PHACTR2: variants seen among roughly 807,000 people sequenced by gnomAD.
The protein encoded by PHACTR2 is phosphatase and actin regulator 2, also known as chromosome 6 open reading frame 56.
A neutral mutation model predicts 76.0 loss-of-function variants in PHACTR2; 30 were observed. The observed-to-expected ratio is 0.39, with a 90% CI of 0.30 to 0.54. PHACTR2 has a LOEUF of 0.54. Among genes scored for constraint, PHACTR2 ranks in the 20% least tolerant of loss-of-function variants. The pLI is 0.61. For missense variants in PHACTR2, 696 were observed against 781.1 expected (o/e 0.89, Z 1.30); for synonymous variants, 292 against 292.5 (o/e 1.00, Z 0.02).
intron 1 of PHACTR2, among the ~76,000 whole-genome samples, chr6:143,593,201 A>G (rs1489609792): frequency 6.6e-6 from 1 of 152,144 alleles, no homozygotes; most frequent in Non-Finnish European, 1.5e-5. Flanking sequence ...GGGAATTCAA[A>G]GCAAATTATG....
Position 143,748,990 on chromosome 6 carries a change from GA to G in PHACTR2, c.223del (p.Arg75GlyfsTer12). 6.6e-7 allele frequency: 1 copy of G among 1,523,596 alleles called. No individual in the cohort carries two copies. Among genetic ancestry groups the G allele is most frequent in the Non-Finnish European group, 9.1e-7 (1 of 1,099,812 alleles). The allele number at this position is 1,523,596 out of a possible 1,614,324, so 94.4% of individuals were successfully genotyped here. On this transcript the variant is annotated frameshift_variant, in exon 3 of 13. Transcript: ENST00000440869. LOFTEE classifies it high-confidence loss of function. ...GTGCTTGTTCTTTTTAAAAGTATTAGAAAGGAAGATATCCACACGACAAAGT... is the reference window on the plus strand; with the variant it reads ...GTGCTTGTTCTTTTTAAAAGTATTAGAAGGAAGATATCCACACGACAAAGT... ...DKFRETSAVLERKISTRQSRE... is the reference protein window; with the variant it reads ...DKFRETSAVLXRKISTRQSRE...
intron 10 of PHACTR2, among the ~76,000 whole-genome samples, chr6:143,785,524 G>T (rs1178833204): frequency 6.6e-6 from 1 of 152,174 alleles, no homozygotes; most frequent in Non-Finnish European, 1.5e-5. Context: ...CTGGGTTCTG[G>T]AGGACAGTGA....
chr6:143,774,029 T>A lies in PHACTR2; in HGVS notation c.1433-30T>A, dbSNP rs1159454299. ...GTGCCACTGGCTAAAAGCCTCTCTC[T>A]CTGCATTTCTGCTCTTTTTCAATCC... On this transcript the variant is annotated intron_variant, in intron 7 of 12. Coordinates refer to ENST00000440869, the MANE Select transcript of PHACTR2 (RefSeq NM_001100164.2). This position sits in a 1 kb window ranked among gnomAD's most constrained non-coding sequence, Gnocchi z 5.4. The A allele has an allele frequency of 1.2e-6, 2 of 1,605,358 alleles. No individual in the cohort carries two copies. The highest frequency in any genetic ancestry group is 3.4e-5 in the Admixed American group (2 of 59,332).
Position 143,684,507 on chromosome 6 carries a change from C to T in PHACTR2, c.46+6298C>T, listed in dbSNP as rs1582768767. Among the ~76,000 whole-genome samples the T allele has an allele frequency of 1.3e-5, 2 of 152,198 alleles. No individual in the cohort carries two copies. Among genetic ancestry groups the T allele is most frequent in the South Asian group, 2.1e-4 (1 of 4,828 alleles). ...CATGGACAACTATAAACTACATGTC[C>T]TAATGACATATTAGCAGTAGAGTTG... is the stretch of plus-strand genomic sequence containing the variant. On this transcript the variant is annotated intron_variant, in intron 1 of 12. Coordinates refer to ENST00000440869, the MANE Select transcript of PHACTR2 (RefSeq NM_001100164.2). This position sits in a 1 kb window ranked among gnomAD's most constrained non-coding sequence, Gnocchi z 4.3.
At chr6:143,703,156 T>TAAAAAAAAAAAA (rs57738495) in intron 1 of PHACTR2, among the ~76,000 whole-genome samples, 2 of 91,146 alleles carry the variant, frequency 2.2e-5, no homozygotes, top group Non-Finnish European at 2.1e-5. Flanking sequence ...AAAAAATTAC[T>TAAAAAAAAAAAA]AAAAAAAAAA....
rs979384254 is a variant in PHACTR2 at position 143,798,904 on chromosome 6, A to G, written c.1846-8153A>G. 1.7e-4 allele frequency among the ~76,000 whole-genome samples: 26 copies of G among 152,200 alleles called. 1 individual carries two copies. Among genetic ancestry groups the G allele is most frequent in the African/African-American group, 6.0e-4 (25 of 41,452 alleles). ...ATCAGGATGATGCTGGCCTCATAAA[A>G]TGAGTTAGGGAGGATTCCCTCTTTT... On this transcript the variant is annotated intron_variant, in intron 11 of 12. Transcript: ENST00000440869.
Position 143,762,436 on chromosome 6 carries a change from G to A in PHACTR2, c.694+1796G>A, listed in dbSNP as rs76428221. ...GAATAGTACAGTCATTTTATTCATT[G>A]TATTGTAAAAGGCCTGACTTTTCCA... On this transcript the variant is annotated intron_variant, in intron 5 of 12. Transcript: ENST00000440869. Among the ~76,000 whole-genome samples, 15 of 152,248 alleles carry A rather than the reference G, an allele frequency of 9.9e-5. No homozygotes were observed. In the East Asian group the frequency reaches 2.9e-3, roughly 29 times the overall value.
In PHACTR2 at chr6:143,633,917, C is replaced by T. The variant is rs533200928; in HGVS notation, c.13+25595C>T. Among the ~76,000 whole-genome samples, 5 of 152,240 alleles carry T rather than the reference C, an allele frequency of 3.3e-5. No homozygotes were observed. The highest frequency in any genetic ancestry group is 2.1e-4 in the South Asian group (1 of 4,820). Reference sequence around the variant, plus strand: ...TATAGATTTAAGATGAAAGTAAAAACGGTCCTCGTTTAGAAGCCAATATTT... The same window carrying T: ...TATAGATTTAAGATGAAAGTAAAAATGGTCCTCGTTTAGAAGCCAATATTT... On this transcript the variant is annotated intron_variant, in intron 1 of 11. Transcript: ENST00000305766. The surrounding 1 kb of genome is among the most constrained non-coding windows in gnomAD (Gnocchi z 4.1).
intron 2 of PHACTR2, among the ~76,000 whole-genome samples, chr6:143,732,513 T>C (rs1394142747): frequency 6.6e-6 from 1 of 152,246 alleles, no homozygotes; most frequent in Non-Finnish European, 1.5e-5. Flanking sequence ...ACATTTTATT[T>C]ATTCATCAGT....
intron 1 of PHACTR2, among the ~76,000 whole-genome samples, chr6:143,651,355 A>C (rs890832908): frequency 2.4e-4 from 37 of 152,202 alleles, no homozygotes; most frequent in Admixed American, 2.4e-3. Context: ...TACCCAAAGA[A>C]ATGTAAACCA....
intron 1 of PHACTR2, among the ~76,000 whole-genome samples, chr6:143,634,207 A>G (rs1385172340): frequency 6.6e-6 from 1 of 152,194 alleles, no homozygotes; most frequent in East Asian, 1.9e-4. Flanking sequence ...ATAAAAATAT[A>G]ATTATGGAAT....
intron 1 of PHACTR2, among the ~76,000 whole-genome samples, chr6:143,657,321 C>T (rs1280092692): frequency 6.6e-6 from 1 of 152,070 alleles, no homozygotes; most frequent in Admixed American, 6.6e-5. Context: ...CCATGCACTC[C>T]ACACCCCTAT....
rs777165630 is a variant in PHACTR2, at chr6:143,556,522, A to G, written c.217+19315A>G. Among the ~76,000 whole-genome samples the G allele has an allele frequency of 2.0e-5, 3 of 152,276 alleles. No homozygotes were observed. The highest frequency in any genetic ancestry group is 4.4e-5 in the Non-Finnish European group (3 of 68,048). The stretch of plus-strand genomic sequence containing the variant: ...CCGTATGTCAAACTAGAGAGAGGAA[A>G]GTGAAAAAGATGAGAAAAAATATTT... On this transcript the variant is annotated intron_variant, in intron 1 of 11. Transcript: ENST00000367584. The surrounding 1 kb of genome is among the most constrained non-coding windows in gnomAD (Gnocchi z 4.3).
chr6:143,744,729 G>C (rs190558401), intron 2 of PHACTR2, among the ~76,000 whole-genome samples: 1 of 152,204 alleles, frequency 6.6e-6, no homozygotes, highest in African/African-American at 2.4e-5. Flanking sequence ...AAGGGGCTGC[G>C]GTGAGTTCAG....
rs574301096 is a variant in PHACTR2 at position 143,816,902 on chromosome 6, C to A, written c.1923-6772C>A. Among the ~76,000 whole-genome samples, 12 of 152,102 alleles carry A rather than the reference C, an allele frequency of 7.9e-5. No individual in the cohort carries two copies. The East Asian group carries it at 1.7e-3, about 22-fold the overall frequency. ...TCAACATGGCACAATGCTGTCTCTA[C>A]AAAAAATACAAAAATTAGCCAAGTG... On this transcript the variant is annotated intron_variant, in intron 12 of 12. Transcript: ENST00000440869. This position sits in a 1 kb window ranked among gnomAD's most constrained non-coding sequence, Gnocchi z 4.5.
In PHACTR2 at chr6:143,794,446, A is replaced by C. The variant is rs149689201; in HGVS notation, c.1845+5536A>C. 2.2e-4 allele frequency among the ~76,000 whole-genome samples: 34 copies of C among 152,222 alleles called. No homozygotes were observed. In the East Asian group the frequency reaches 4.1e-3, roughly 18 times the overall value. On this transcript the variant is annotated intron_variant, in intron 11 of 12. Transcript: ENST00000440869. This position sits in a 1 kb window ranked among gnomAD's most constrained non-coding sequence, Gnocchi z 4.1. ...GTTTTATTTTTAACTTTTGAGCTCT[A>C]TATCCCATTTTTAAAAACTATTCAA...
intron 1 of PHACTR2, among the ~76,000 whole-genome samples, chr6:143,538,569 TA>T (rs1336840542): frequency 2.0e-5 from 3 of 152,232 alleles, no homozygotes; most frequent in Non-Finnish European, 4.4e-5. Context: ...CTGTACCAGC[TA>T]CCACTGCCCT....
At chr6:143,729,708 T>C (rs970318648) in intron 2 of PHACTR2, among the ~76,000 whole-genome samples, 2 of 152,326 alleles carry the variant, frequency 1.3e-5, no homozygotes, top group Admixed American at 1.3e-4. Flanking sequence ...AGTAGTTTGT[T>C]TTCTTAATGT....
At chr6:143,600,551 C>T (rs1775803303) in intron 1 of PHACTR2, among the ~76,000 whole-genome samples, 1 of 152,192 alleles carries the variant, frequency 6.6e-6, no homozygotes, top group African/African-American at 2.4e-5. Flanking sequence ...TAATGGTAAG[C>T]ATATATCCTT....
Sources: gnomAD v4.1 joint callset for allele counts (sites outside exome capture counted in the v4.1 genomes callset) on GRCh38, gnomAD v4.1.1 for gene constraint, Gnocchi (gnomAD v3.1) non-coding constraint, MANE v1.5 for transcripts, NCBI Gene and HGNC (gene_info 2026-07-23, HGNC 2026-07-21) for gene names.